DCAF1: variants seen among roughly 807,000 people sequenced by gnomAD.
DCAF1 encodes the protein DDB1- and CUL4-associated factor 1.
In DCAF1, 15 loss-of-function variants were observed where a neutral mutation model predicts 128.0. The ratio of observed to expected loss-of-function variants is 0.12; its 90% confidence interval spans 0.08 to 0.18. The LOEUF is 0.18. Among genes scored for constraint, DCAF1 ranks in the 10% least tolerant of loss-of-function variants. DCAF1 has a pLI of 1.00. For missense variants in DCAF1, 988 were observed against 1,649.5 expected (o/e 0.60, Z 6.95); for synonymous variants, 610 against 603.0 (o/e 1.01, Z -0.17).
chr3:51,403,201 C>T lies in DCAF1; in HGVS notation c.4407G>A (p.Glu1469=), dbSNP rs1553625496. 3.7e-6 allele frequency: 6 copies of T among 1,613,954 alleles called. No homozygotes were observed. Among genetic ancestry groups the T allele is most frequent in the Non-Finnish European group, 5.1e-6 (6 of 1,179,872 alleles). ...EELANLLEEG[E]DGEDEDSDAD... is the part of the protein sequence containing the mutation. ...CATCAGAGTCTTCATCCTCCCCGTC[C>T]TCTCCCTCCTCTAGAAGGTTTGCTA... The change falls in exon 24 of 25, where the codon GAG becomes GAA. Residue 1469 remains glutamate, a synonymous_variant. Coordinates refer to ENST00000684031, the MANE Select transcript of DCAF1 (RefSeq NM_001387579.1).
chr3:51,447,014 A>AT (rs1159576860), intron 6 of DCAF1, among the ~76,000 whole-genome samples: 1 of 116,486 alleles, frequency 8.6e-6, no homozygotes, highest in East Asian at 2.6e-4. Context: ...TGTTTTAAAT[A>AT]TTTTTTAAAA....
chr3:51,489,832 TATATAG>T (rs1553657071), intron 2 of DCAF1, among the ~76,000 whole-genome samples: 2 of 28,524 alleles, frequency 7.0e-5, no homozygotes, highest in East Asian at 2.2e-3. Flanking sequence ...TGTGTGTGTG[TATATAG>T]ATAGATAGAT....
At chr3:51,491,304 C>A (rs1267089604) in intron 2 of DCAF1, among the ~76,000 whole-genome samples, 8 of 148,956 alleles carry the variant, frequency 5.4e-5, no homozygotes, top group Non-Finnish European at 1.0e-4. Flanking sequence ...GCCAAGATTG[C>A]GCCACTGCAC....
At chr3:51,418,899 C>A in intron 15 of DCAF1, 23 bp from the exon 16 acceptor site, 1 of 1,580,234 alleles carries the variant, frequency 6.3e-7, no homozygotes, top group Non-Finnish European at 8.6e-7. Flanking sequence ...AAGAGAGAAT[C>A]ACAGGCAAAG....
intron 3 of DCAF1, among the ~76,000 whole-genome samples, chr3:51,480,771 T>C (rs1706089065): frequency 6.6e-6 from 1 of 152,110 alleles, no homozygotes; most frequent in Non-Finnish European, 1.5e-5. Context: ...CCCCTTGATT[T>C]GTTTTAATAC....
At chr3:51,402,351 T>C (rs1293949816) in intron 24 of DCAF1, among the ~76,000 whole-genome samples, 2 of 151,976 alleles carry the variant, frequency 1.3e-5, no homozygotes, top group African/African-American at 2.4e-5. Context: ...ATTCTAGCCA[T>C]GCCTCTCGGC....
chr3:51,492,232 A>T (rs1473559713), intron 2 of DCAF1, among the ~76,000 whole-genome samples: 1 of 151,972 alleles, frequency 6.6e-6, no homozygotes, highest in Non-Finnish European at 1.5e-5. Flanking sequence ...GCCTCACAGT[A>T]TATGCGAAAA....
intron 3 of DCAF1, among the ~76,000 whole-genome samples, chr3:51,479,755 C>T (rs1705929116): frequency 6.6e-6 from 1 of 152,000 alleles, no homozygotes; most frequent in Non-Finnish European, 1.5e-5. Flanking sequence ...AAGATCGCGC[C>T]ACTGCACTCC....
At chr3:51,411,789 G>C (rs1698439634) in intron 23 of DCAF1, among the ~76,000 whole-genome samples, 1 of 151,932 alleles carries the variant, frequency 6.6e-6, no homozygotes. Context: ...GCCAGAACGG[G>C]GCACAAAGAA....
In DCAF1 at chr3:51,419,911, T is replaced by C. The variant is rs1699242321; in HGVS notation, c.3059A>G (p.Lys1020Arg). Residue 1020 changes from lysine (K) to arginine (R), a missense_variant, in exon 15 of 25, where the codon AAG (lysine) becomes AGG (arginine). This residue lies in a region of DCAF1 where 105 missense variants were observed against 266.7 expected (regional missense o/e 0.39). Coordinates refer to ENST00000684031, the MANE Select transcript of DCAF1 (RefSeq NM_001387579.1). ...EYLREQHARC[K>R]NPVATCPPFS... ...AGGTGGGCAGGTGGCAACTGGATTC[T>C]TGCAGCGAGCATGTTGTTCTCTAAG... The C allele has an allele frequency of 6.2e-7, 1 of 1,614,050 alleles. No homozygotes were observed. The highest frequency in any genetic ancestry group is 8.5e-7 in the Non-Finnish European group (1 of 1,179,896).
chr3:51,489,467 G>C (rs1553656916), intron 2 of DCAF1, among the ~76,000 whole-genome samples: 1 of 151,892 alleles, frequency 6.6e-6, no homozygotes, highest in African/African-American at 2.4e-5. Context: ...CACTCTACTA[G>C]GGTCCTAGGC....
chr3:51,447,096 T>C (rs782776512), intron 6 of DCAF1, among the ~76,000 whole-genome samples: 7 of 151,874 alleles, frequency 4.6e-5, no homozygotes, highest in Non-Finnish European at 7.4e-5. Context: ...ACCAAAAGTT[T>C]TGACCATTTT....
intron 9 of DCAF1, among the ~76,000 whole-genome samples, chr3:51,434,317 G>A (rs1366524049): frequency 3.3e-5 from 5 of 152,016 alleles, no homozygotes; most frequent in African/African-American, 2.4e-5. Flanking sequence ...TAAGAGGATC[G>A]CTTGAGCCGG....
chr3:51,463,878 A>G (rs1318497634), intron 5 of DCAF1, among the ~76,000 whole-genome samples: 1 of 152,104 alleles, frequency 6.6e-6, no homozygotes, highest in African/African-American at 2.4e-5. Flanking sequence ...TTTTACAGAC[A>G]GGGTCTCACT....
At chr3:51,489,751 C>T (rs1212863927) in intron 2 of DCAF1, among the ~76,000 whole-genome samples, 1 of 146,340 alleles carries the variant, frequency 6.8e-6, no homozygotes. Flanking sequence ...TGCACCAGTG[C>T]AATCCAGCCT....
chr3:51,412,232 C>CA (rs1553628638), intron 23 of DCAF1, 147 bp downstream of exon 23: 25 of 965,596 alleles, frequency 2.6e-5, no homozygotes, highest in Non-Finnish European at 7.0e-6. Flanking sequence ...TTCTGAGTTT[C>CA]AGTGATCAAG....
At position 51,421,079 on chromosome 3, in the gene DCAF1, G is replaced by A. The variant is rs1249442144; in HGVS notation, c.1973-82C>T. On this transcript the variant is annotated intron_variant, in intron 14 of 24. Coordinates refer to ENST00000684031, the MANE Select transcript of DCAF1 (RefSeq NM_001387579.1). Reference sequence around the variant, plus strand: ...AGTTGTTCCAGAGTCAAAATTTGGTGTTCTACTCACTTTTACTTTAAAAAA... The same window carrying A: ...AGTTGTTCCAGAGTCAAAATTTGGTATTCTACTCACTTTTACTTTAAAAAA... The A allele has an allele frequency of 7.4e-6, 11 of 1,481,466 alleles. No individual in the cohort carries two copies. In the East Asian group the frequency reaches 1.8e-4, roughly 24 times the overall value. 91.8% of individuals were successfully genotyped at this position (1,481,466 alleles called of 1,614,324 possible).
intron 3 of DCAF1, among the ~76,000 whole-genome samples, chr3:51,480,007 C>T (rs1228998912): frequency 6.6e-6 from 1 of 151,062 alleles, no homozygotes; most frequent in African/African-American, 2.4e-5. Flanking sequence ...TAATGAAACC[C>T]TGTCTCCACC....
At chr3:51,429,966 C>T (rs1302285520) in intron 11 of DCAF1, 67 bp downstream of exon 11, 2 of 742,940 alleles carry the variant, frequency 2.7e-6, no homozygotes, top group Non-Finnish European at 5.0e-6. Flanking sequence ...AAGGGTGTGC[C>T]GTTAAAGGGC....
Sources: gnomAD v4.1 joint callset for allele counts (sites outside exome capture counted in the v4.1 genomes callset) on GRCh38, gnomAD v4.1.1 for gene constraint, gnomAD v4.1.1 regional missense constraint, MANE v1.5 for transcripts, NCBI Gene and HGNC (gene_info 2026-07-23, HGNC 2026-07-21) for gene names.